Variants in CCDC33 observed in about 807,000 individuals in gnomAD.
The protein encoded by CCDC33 is coiled-coil domain-containing protein 33.
In CCDC33, 94 loss-of-function variants were observed where a neutral mutation model predicts 91.9. The ratio of observed to expected loss-of-function variants is 1.02; its 90% confidence interval spans 0.87 to 1.21. The LOEUF (loss-of-function observed/expected upper bound fraction) is 1.21, where lower values mean the gene tolerates loss of function less well. CCDC33 is among the 50% of genes most tolerant of loss of function. The pLI is 0.00. For missense variants in CCDC33, 940 were observed against 935.5 expected (o/e 1.00, Z -0.06); for synonymous variants, 396 against 374.5 (o/e 1.06, Z -0.66).
intron 1 of CCDC33, chr15:74,208,654 G>A: frequency 1.0e-6 from 1 of 957,362 alleles, no homozygotes; most frequent in Non-Finnish European, 1.2e-6. Flanking sequence ...TTACTCATCA[G>A]AATTGCTCCA....
intron 11 of CCDC33, chr15:74,318,801 T>C (rs1596110954): frequency 1.6e-6 from 1 of 633,952 alleles, no homozygotes; most frequent in Non-Finnish European, 2.8e-6. Context: ...GGACCAGGGC[T>C]TTGGCCCTTA....
chr15:74,335,099 C>A lies in CCDC33; in HGVS notation c.2139+11C>A. On this transcript the variant is annotated intron_variant, in intron 18 of 18. Coordinates refer to ENST00000398814, the MANE Select transcript of CCDC33 (RefSeq NM_025055.5). ...ATCATAGAACAGCCTGTGAGTGACC[C>A]CCCTGGAGTAGCTCCCAGGGGTTCA... is the stretch of plus-strand genomic sequence containing the variant. The A allele has an allele frequency of 6.3e-7, 1 of 1,597,252 alleles. No individual in the cohort carries two copies. The highest frequency in any genetic ancestry group is 8.6e-7 in the Non-Finnish European group (1 of 1,164,612).
chr15:74,320,259 T>TGGAGG (rs1014339740), intron 11 of CCDC33, among the ~76,000 whole-genome samples: 7 of 152,156 alleles, frequency 4.6e-5, no homozygotes, highest in African/African-American at 1.7e-4. Context: ...CTGTGTACTT[T>TGGAGG]GCTGCCTCCA....
intron 1 of CCDC33, chr15:74,203,317 G>A (rs2074168990): frequency 5.7e-6 from 3 of 527,238 alleles, no homozygotes; most frequent in East Asian, 2.9e-4. Context: ...GAGGAGCCCC[G>A]CCTGCCTCCT....
At chr15:74,258,495 G>T (rs558237805) in intron 2 of CCDC33, among the ~76,000 whole-genome samples, 2 of 152,182 alleles carry the variant, frequency 1.3e-5, no homozygotes, top group African/African-American at 4.8e-5. Context: ...CAGGGCAGGT[G>T]GGGGAGGTGG....
chr15:74,236,854 C>A, intron 1 of CCDC33, 114 bp downstream of exon 1: 1 of 1,059,726 alleles, frequency 9.4e-7, no homozygotes, highest in South Asian at 1.5e-5. Flanking sequence ...TTCCCTGGGT[C>A]TCAGTTTTCA....
At chr15:74,334,350 GTGA>G (rs2060512305) in intron 17 of CCDC33, among the ~76,000 whole-genome samples, 1 of 150,112 alleles carries the variant, frequency 6.7e-6, no homozygotes, top group Non-Finnish European at 1.5e-5. Flanking sequence ...GGTTCAGTGT[GTGA>G]CCAGGGTCAG....
At chr15:74,334,612 T>C (rs748766923) in intron 17 of CCDC33, among the ~76,000 whole-genome samples, 2 of 151,992 alleles carry the variant, frequency 1.3e-5, no homozygotes, top group Non-Finnish European at 2.9e-5. Context: ...GGGTTCTGTG[T>C]ATGACCAGGG....
chr15:74,262,694 C>A, intron 3 of CCDC33, 121 bp downstream of exon 3: 1 of 1,096,070 alleles, frequency 9.1e-7, no homozygotes, highest in Non-Finnish European at 1.3e-6. Context: ...CCTCCTTGGG[C>A]TCAGTTAAAA....
rs765015092 is a variant in CCDC33 at position 74,331,295 on chromosome 15, G to A, written c.1770G>A (p.Thr590=). ...ACAGGCAGCAGGGAAAGCCCTACACGGGTGGGTCCACACCCTGATGTGATC... is the reference window on the plus strand; with the variant it reads ...ACAGGCAGCAGGGAAAGCCCTACACAGGTGGGTCCACACCCTGATGTGATC... ...PLNRQQGKPY[T]GFPMLSASGL... Residue 590 remains threonine, a splice_region_variant and synonymous_variant, in exon 15 of 19, where the codon ACG becomes ACA. Coordinates refer to ENST00000398814, the MANE Select transcript of CCDC33 (RefSeq NM_025055.5). The A allele has an allele frequency of 1.6e-5, 26 of 1,613,736 alleles. No homozygotes were observed. Among genetic ancestry groups the A allele is most frequent in the South Asian group, 4.4e-5 (4 of 91,056 alleles).
At position 74,218,650 on chromosome 15, in the gene CCDC33, A is replaced by T. The variant is rs1259583878; in HGVS notation, c.464A>T (p.Gln155Leu). The T allele has an allele frequency of 7.8e-7, 1 of 1,289,898 alleles. No individual in the cohort carries two copies. Among genetic ancestry groups the T allele is most frequent in the Non-Finnish European group, 1.0e-6 (1 of 988,884 alleles). The allele number at this position is 1,289,898 out of a possible 1,614,324, so 79.9% of individuals were successfully genotyped here. A position where few individuals can be genotyped will look rare whatever the true frequency, so the allele number is the denominator to read the frequency against. ...CAACCCCGCATGAACCCAAAGGCTCAGGATCACGAGGACCTGTACCGCTAC... is the reference window on the plus strand; with the variant it reads ...CAACCCCGCATGAACCCAAAGGCTCTGGATCACGAGGACCTGTACCGCTAC... The change falls in exon 2 of 3, where the codon CAG (glutamine) becomes CTG (leucine). Residue 155 changes from glutamine to leucine, a missense_variant. Coordinates refer to the CCDC33 transcript ENST00000635913. The surrounding 1 kb of genome is among the most constrained non-coding windows in gnomAD (Gnocchi z 4.8).
At chr15:74,221,001 C>G (rs2074575760) in intron 2 of CCDC33, among the ~76,000 whole-genome samples, 1 of 152,156 alleles carries the variant, frequency 6.6e-6, no homozygotes, top group Non-Finnish European at 1.5e-5. Flanking sequence ...GAGCAATATT[C>G]AGATCAAAGC....
In CCDC33 at chr15:74,218,738, G is replaced by A. The variant is rs1375361334; in HGVS notation, c.552G>A (p.Leu184=). 2 of 1,289,818 alleles carry A rather than the reference G, an allele frequency of 1.6e-6. No homozygotes were observed. The highest frequency in any genetic ancestry group is 2.1e-4 in the Middle Eastern group (1 of 4,694). 79.9% of individuals were successfully genotyped at this position (1,289,818 alleles called of 1,614,324 possible). ...CCACAGCCCGACACTGTGGGAGCCT[G>A]GCCTACAGTGTGGCCTTCCACGTCC... The change falls in exon 2 of 3, where the codon CTG becomes CTA. Residue 184 remains leucine, a synonymous_variant. Transcript: ENST00000635913. The surrounding 1 kb of genome is among the most constrained non-coding windows in gnomAD (Gnocchi z 4.8).
At chr15:74,318,530 CTTG>C (rs2060139667) in intron 11 of CCDC33, 4 of 672,384 alleles carry the variant, frequency 5.9e-6, no homozygotes, top group East Asian at 2.9e-5. Context: ...CAGGCAGGCA[CTTG>C]TTGTAGCAAC....
At chr15:74,216,020 G>A (rs187278621), upstream of CCDC33, among the ~76,000 whole-genome samples, 10 of 152,334 alleles carry the variant, frequency 6.6e-5, no homozygotes, top group East Asian at 1.9e-3. Context: ...GCTTGCAGGG[G>A]ATGGGGCCAG....
chr15:74,330,147 C>T, intron 11 of CCDC33, 42 bp from the exon 12 acceptor site: 1 of 1,532,672 alleles, frequency 6.5e-7, no homozygotes, highest in Non-Finnish European at 8.8e-7. Flanking sequence ...ACCAGGGTTG[C>T]TATGGGGCAG....
At chr15:74,289,323 G>C (rs1308301688) in intron 10 of CCDC33, among the ~76,000 whole-genome samples, 4 of 152,330 alleles carry the variant, frequency 2.6e-5, no homozygotes, top group Non-Finnish European at 5.9e-5. Context: ...GGGCTGTGGA[G>C]CCTAGGAGCT....
intron 2 of CCDC33, among the ~76,000 whole-genome samples, chr15:74,257,201 C>G (rs2075892029): frequency 6.6e-6 from 1 of 152,186 alleles, no homozygotes; most frequent in African/African-American, 2.4e-5. Flanking sequence ...TAAATGAAAC[C>G]CAGGATGAGA....
At chr15:74,250,642 A>G (rs1390643534) in intron 2 of CCDC33, among the ~76,000 whole-genome samples, 1 of 152,118 alleles carries the variant, frequency 6.6e-6, no homozygotes, top group African/African-American at 2.4e-5. Flanking sequence ...GTGCCTCCCC[A>G]TCCCGCCTCC....
Sources: allele counts gnomAD v4.1 joint callset (sites outside exome capture counted in the v4.1 genomes callset), GRCh38; gene constraint gnomAD v4.1.1; non-coding constraint Gnocchi (gnomAD v3.1); transcripts MANE v1.5; gene names NCBI Gene and HGNC (gene_info 2026-07-23, HGNC 2026-07-21).